The following PUM1 variants were observed in gnomAD, a reference collection of about 807,000 sequenced individuals.
PUM1 encodes pumilio RNA binding family member 1.
Under a neutral mutation model 131.8 loss-of-function variants are expected in PUM1, and 13 were observed. The observed-to-expected ratio is 0.10, with a 90% CI of 0.06 to 0.16. PUM1 has a LOEUF of 0.16. Ranked by LOEUF, PUM1 falls within the 10% of genes least tolerant of loss-of-function variation. The pLI is 1.00. For synonymous variants in PUM1, 509 were observed against 556.5 expected (o/e 0.91, Z 1.20); for missense variants, 961 against 1,512.4 (o/e 0.64, Z 6.05).
At chr1:30,959,322 A>C (rs1640306850) in intron 14 of PUM1, among the ~76,000 whole-genome samples, 1 of 152,220 alleles carries the variant, frequency 6.6e-6, no homozygotes, top group African/African-American at 2.4e-5. Flanking sequence ...CCTCACGAGA[A>C]AGAAAAACAC....
chr1:30,976,802 T>C (rs559819205), intron 9 of PUM1, among the ~76,000 whole-genome samples: 2 of 150,678 alleles, frequency 1.3e-5, no homozygotes, highest in South Asian at 2.1e-4. Context: ...TGTCAGAAAC[T>C]GAACGGCCTA....
At chr1:30,974,331 G>A (rs1447656611) in intron 10 of PUM1, among the ~76,000 whole-genome samples, 1 of 152,118 alleles carries the variant, frequency 6.6e-6, no homozygotes, top group African/African-American at 2.4e-5. Context: ...TCTGAAAGTG[G>A]TGCTTAGCAA....
At position 30,968,369 on chromosome 1, in the gene PUM1, C is replaced by T. The variant is rs1640713075; in HGVS notation, c.1630G>A (p.Ala544Thr). 5 of 1,585,930 alleles carry T rather than the reference C, an allele frequency of 3.2e-6. No individual in the cohort carries two copies. The highest frequency in any genetic ancestry group is 3.4e-6 in the Non-Finnish European group (4 of 1,164,152). The change falls in exon 11 of 22, where the codon GCA becomes ACA. Residue 544 changes from alanine (A) to threonine (T), a missense_variant. By Grantham distance (58) the Ala-to-Thr change is moderately conservative. Coordinates refer to ENST00000426105, the MANE Select transcript of PUM1 (RefSeq NM_001020658.2). The part of the protein sequence containing the change: ...NSALAFGQGL[A>T]AGMPGYPVLA... ...GCAGCCGCACCTGGCATGCCTGCTG[C>T]CAGACCTTGTCCAAATGCAAGGGCA...
At chr1:30,937,346 C>T (rs779380565) in intron 20 of PUM1, among the ~76,000 whole-genome samples, 2 of 152,170 alleles carry the variant, frequency 1.3e-5, no homozygotes, top group Non-Finnish European at 2.9e-5. Context: ...TTATGCCTAT[C>T]TCCCTGCTGC....
intron 3 of PUM1, 121 bp from the exon 4 acceptor site, chr1:31,007,223 A>G (rs992862873): frequency 4.3e-6 from 3 of 704,734 alleles, no homozygotes; most frequent in Admixed American, 4.7e-5. Context: ...GTCTTTAATT[A>G]AAGTGTTCCA....
intron 6 of PUM1, among the ~76,000 whole-genome samples, chr1:30,993,735 T>G (rs1435050670): frequency 6.6e-6 from 1 of 152,120 alleles, no homozygotes; most frequent in Non-Finnish European, 1.5e-5. Flanking sequence ...TGAAAGACCT[T>G]AGGTAAGTAT....
chr1:31,001,319 A>T (rs1428865704), intron 5 of PUM1, among the ~76,000 whole-genome samples: 1 of 152,158 alleles, frequency 6.6e-6, no homozygotes, highest in East Asian at 1.9e-4. Flanking sequence ...CAGTGAGCTG[A>T]GATCACACCA....
At chr1:31,053,333 T>A (rs1455870454) in intron 2 of PUM1, among the ~76,000 whole-genome samples, 2 of 149,228 alleles carry the variant, frequency 1.3e-5, no homozygotes, top group African/African-American at 4.9e-5. Flanking sequence ...TGGGTATAAT[T>A]TTACAGGCAA....
Position 30,992,676 on chromosome 1 carries a change from A to G in PUM1, c.888-16T>C. ...AGGGGTACGGCTAAACAGAGAAAGTAAAGGGCATTAAACCTTATTTTCAGT... is the reference window on the plus strand; with the variant it reads ...AGGGGTACGGCTAAACAGAGAAAGTGAAGGGCATTAAACCTTATTTTCAGT... On this transcript the variant is annotated splice_polypyrimidine_tract_variant and intron_variant, in intron 6 of 21. Transcript: ENST00000426105. The G allele has an allele frequency of 6.2e-7, 1 of 1,605,512 alleles. No homozygotes were observed. The highest frequency in any genetic ancestry group is 8.5e-7 in the Non-Finnish European group (1 of 1,174,766).
At chr1:31,043,606 T>C (rs1173687246) in intron 2 of PUM1, among the ~76,000 whole-genome samples, 1 of 152,152 alleles carries the variant, frequency 6.6e-6, no homozygotes, top group East Asian at 1.9e-4. Context: ...GGAACTTGCT[T>C]TAATAAAGAA....
chr1:31,055,924 A>G (rs996406110), intron 2 of PUM1, among the ~76,000 whole-genome samples: 1 of 152,122 alleles, frequency 6.6e-6, no homozygotes, highest in Non-Finnish European at 1.5e-5. Context: ...ACAACAAAAG[A>G]TCTTATAGAT....
intron 14 of PUM1, among the ~76,000 whole-genome samples, chr1:30,964,208 A>C (rs1640533380): frequency 1.3e-5 from 2 of 152,212 alleles, no homozygotes; most frequent in African/African-American, 4.8e-5. Context: ...AAAATATGGC[A>C]AAATTTTAAA....
intron 20 of PUM1, among the ~76,000 whole-genome samples, chr1:30,939,372 G>C (rs1639352585): frequency 6.6e-6 from 1 of 152,208 alleles, no homozygotes; most frequent in South Asian, 2.1e-4. Context: ...CCGGACTTGG[G>C]GGAAGGTTAA....
chr1:30,951,698 C>T (rs1247727022), intron 16 of PUM1, among the ~76,000 whole-genome samples: 5 of 152,128 alleles, frequency 3.3e-5, no homozygotes, highest in Non-Finnish European at 7.4e-5. Context: ...TTTCCAAAGA[C>T]AATGATACAA....
rs535499030 is a variant in PUM1, at chr1:31,035,522, C to T, written c.364-6658G>A. Among the ~76,000 whole-genome samples, 45 of 152,166 alleles carry T rather than the reference C, an allele frequency of 3.0e-4. 1 individual carries two copies. In the South Asian group the frequency reaches 6.8e-3, roughly 23 times the overall value. On this transcript the variant is annotated intron_variant, in intron 2 of 21. Transcript: ENST00000426105. The stretch of plus-strand genomic sequence containing the variant: ...ATCCCAGCACTTTCGGAGGCCGAGG[C>T]GGGCGGATCACCTGAGGTCAGGAGG...
At chr1:30,987,487 G>A (rs757725202) in intron 7 of PUM1, among the ~76,000 whole-genome samples, 13 of 152,126 alleles carry the variant, frequency 8.5e-5, no homozygotes, top group Non-Finnish European at 1.5e-4. Flanking sequence ...GAGCCACCGC[G>A]CCTAGCCAAA....
chr1:31,062,093 CA>C (rs1570381766), intron 1 of PUM1, among the ~76,000 whole-genome samples: 1 of 152,312 alleles, frequency 6.6e-6, no homozygotes, highest in East Asian at 1.9e-4. Flanking sequence ...CAAGGCCATT[CA>C]ACTAGCAAGT....
intron 2 of PUM1, among the ~76,000 whole-genome samples, chr1:31,041,880 T>A (rs1036163172): frequency 2.6e-5 from 4 of 151,992 alleles, no homozygotes; most frequent in East Asian, 3.9e-4. Context: ...TAAAAAAAAA[T>A]GAGAAAGATA....
intron 7 of PUM1, among the ~76,000 whole-genome samples, chr1:30,986,941 C>CT (rs987638410): frequency 6.6e-6 from 1 of 152,184 alleles, no homozygotes; most frequent in Non-Finnish European, 1.5e-5. Flanking sequence ...TTCCACTCCC[C>CT]TCTGACTGTG....
Sources: gnomAD v4.1 joint callset for allele counts (sites outside exome capture counted in the v4.1 genomes callset) on GRCh38, gnomAD v4.1.1 for gene constraint, MANE v1.5 for transcripts, NCBI Gene and HGNC (gene_info 2026-07-23, HGNC 2026-07-21) for gene names.